The following MAN2B2 variants were observed in gnomAD, a reference collection of about 807,000 sequenced individuals.
MAN2B2 encodes the protein epididymis-specific alpha-mannosidase.
MAN2B2 carries 106 observed loss-of-function variants against 117.1 expected under a neutral mutation model. The observed-to-expected ratio is 0.90, with a 90% CI of 0.77 to 1.06. The LOEUF is 1.06. MAN2B2 is among the 50% of genes least tolerant of loss of function. MAN2B2 has a pLI of 0.00. For missense variants in MAN2B2, 1,326 were observed against 1,381.4 expected, an observed-to-expected ratio of 0.96 and a Z score of 0.64; for synonymous variants, 544 against 595.1, an observed-to-expected ratio of 0.91 and a Z score of 1.25.
chr4:6,600,366 T>C (rs1424144233), intron 9 of MAN2B2, among the ~76,000 whole-genome samples: 1 of 152,160 alleles, frequency 6.6e-6, no homozygotes, highest in African/African-American at 2.4e-5. Context: ...AGAACCTCAG[T>C]TCTCCAGGGC....
chr4:6,621,461 A>C lies in MAN2B2; in HGVS notation c.*176A>C. ...GTTTTTCCCTAATTTTTTTAAACAA[A>C]AATTACATTACAAGATCCAGGTTCT... On this transcript the variant is annotated 3_prime_UTR_variant, in exon 19 of 19. Coordinates refer to ENST00000285599, the MANE Select transcript of MAN2B2 (RefSeq NM_015274.3). 1 of 570,448 alleles carries C rather than the reference A, an allele frequency of 1.8e-6. No individual in the cohort carries two copies. The highest frequency in any genetic ancestry group is 2.9e-5 in the East Asian group (1 of 33,902). 35.3% of individuals were successfully genotyped at this position (570,448 alleles called of 1,614,324 possible).
Position 6,575,346 on chromosome 4 carries a change from C to T in MAN2B2, c.136C>T (p.Gln46Ter), listed in dbSNP as rs1221351658. The stretch of plus-strand genomic sequence containing the variant: ...GGACGTGGGCTGGGTCTACACTGTG[C>T]AGGTAGGTGCCGACCACGCCCCGCG... ...HMDVGWVYTV[Q>*]ESMRAYAANV... is the part of the protein sequence containing the mutation. The change falls in exon 1 of 19, where the codon CAG becomes TAG. Residue 46 changes from glutamine to a stop codon, truncating the protein, a stop_gained and splice_region_variant. Coordinates refer to ENST00000285599, the MANE Select transcript of MAN2B2 (RefSeq NM_015274.3). LOFTEE classifies it high-confidence loss of function. The T allele has an allele frequency of 2.6e-6, 4 of 1,553,740 alleles. No individual in the cohort carries two copies. Among genetic ancestry groups the T allele is most frequent in the Admixed American group, 1.8e-5 (1 of 54,608 alleles).
intron 13 of MAN2B2, 86 bp downstream of exon 13, chr4:6,610,136 G>C: frequency 6.5e-7 from 1 of 1,531,740 alleles, no homozygotes; most frequent in Non-Finnish European, 8.9e-7. Context: ...GTAGAGGCCA[G>C]TAGAGGCCTC....
At chr4:6,613,455 G>C (rs1711679473) in intron 15 of MAN2B2, among the ~76,000 whole-genome samples, 1 of 152,066 alleles carries the variant, frequency 6.6e-6, no homozygotes, top group East Asian at 1.9e-4. Context: ...GTGGCCCATA[G>C]TCCCAGCTAC....
chr4:6,597,162 G>C lies in MAN2B2; in HGVS notation c.1107G>C (p.Lys369Asn), dbSNP rs778357665. 1 of 1,613,184 alleles carries C rather than the reference G, an allele frequency of 6.2e-7. No homozygotes were observed. The highest frequency in any genetic ancestry group is 1.1e-5 in the South Asian group (1 of 91,046). Residue 369 changes from lysine to asparagine, a missense_variant, in exon 8 of 19, where the codon AAG (lysine) becomes AAC (asparagine). Physicochemically the swap from Lys to Asn is moderately conservative, Grantham distance 94. Coordinates refer to ENST00000285599, the MANE Select transcript of MAN2B2 (RefSeq NM_015274.3). ...TGFYTSRSSL[K>N]GLARRASALL... Reference sequence around the variant, plus strand: ...TCTACACGTCCCGCAGCTCACTGAAGGGGCTGGCCCGGCGAGCCAGCGCCT... The same window carrying C: ...TCTACACGTCCCGCAGCTCACTGAACGGGCTGGCCCGGCGAGCCAGCGCCT...
At chr4:6,611,026 C>A (rs774556472) in intron 14 of MAN2B2, 36 bp downstream of exon 14, 4 of 1,612,994 alleles carry the variant, frequency 2.5e-6, no homozygotes, top group African/African-American at 1.3e-5. Flanking sequence ...CAGCCCCTCG[C>A]GGCCCCCTAC....
rs140607612 is a variant in MAN2B2, at chr4:6,589,128, C to T, written c.648C>T (p.Tyr216=). 2.5e-6 allele frequency: 4 copies of T among 1,614,080 alleles called. No individual in the cohort carries two copies. In the African/African-American group the frequency reaches 5.3e-5, roughly 22 times the overall value. The change falls in exon 5 of 19, where the codon TAC becomes TAT. Residue 216 remains tyrosine (Y), a synonymous_variant. Coordinates refer to ENST00000285599, the MANE Select transcript of MAN2B2 (RefSeq NM_015274.3). The stretch of plus-strand genomic sequence containing the variant: ...CGCACATCATGGACCAGTACAGCTA[C>T]TGCACCCCGTCCCACATCCCTTTCT... ...IFTHIMDQYS[Y]CTPSHIPFSN...
intron 11 of MAN2B2, among the ~76,000 whole-genome samples, chr4:6,606,034 G>C (rs942243598): frequency 6.6e-6 from 1 of 152,216 alleles, no homozygotes; most frequent in Non-Finnish European, 1.5e-5. Flanking sequence ...GCCACGTCCG[G>C]TGGAGTCTTC....
chr4:6,614,488 G>A (rs1711761726), intron 16 of MAN2B2, 133 bp downstream of exon 16: 14 of 1,111,186 alleles, frequency 1.3e-5, no homozygotes, highest in Admixed American at 5.3e-5. Flanking sequence ...TTCTTATCTG[G>A]CACATGGGGA....
chr4:6,608,112 T>C (rs187989685), intron 11 of MAN2B2, among the ~76,000 whole-genome samples: 1 of 152,374 alleles, frequency 6.6e-6, no homozygotes, highest in East Asian at 1.9e-4. Context: ...GAGTTCTTTA[T>C]ATATTCTAGC....
intron 16 of MAN2B2, among the ~76,000 whole-genome samples, chr4:6,615,039 G>C (rs1711797665): frequency 6.6e-6 from 1 of 152,198 alleles, no homozygotes; most frequent in South Asian, 2.1e-4. Flanking sequence ...GGAAAGGCAG[G>C]GTCAGACTGT....
chr4:6,597,786 A>G (rs1727161657), intron 8 of MAN2B2, among the ~76,000 whole-genome samples: 1 of 152,144 alleles, frequency 6.6e-6, no homozygotes, highest in Non-Finnish European at 1.5e-5. Flanking sequence ...GTCTCCACCC[A>G]TCCCCTACTG....
At chr4:6,611,831 G>C (rs536204375) in intron 15 of MAN2B2, among the ~76,000 whole-genome samples, 5 of 152,172 alleles carry the variant, frequency 3.3e-5, no homozygotes, top group Non-Finnish European at 7.3e-5. Context: ...TCTGAATCTA[G>C]GTGTGCTGTC....
At chr4:6,597,048 G>A in intron 7 of MAN2B2, 65 bp from the exon 8 acceptor site, 3 of 1,488,102 alleles carry the variant, frequency 2.0e-6, no homozygotes, top group East Asian at 2.4e-5. Flanking sequence ...GCTCTTCCAG[G>A]GCTGGAGCTT....
Position 6,605,711 on chromosome 4 carries a change from C to T in MAN2B2, c.1814+382C>T, listed in dbSNP as rs1727518216. 1.3e-5 allele frequency among the ~76,000 whole-genome samples: 2 copies of T among 152,044 alleles called. 1 individual carries two copies. The highest frequency in any genetic ancestry group is 4.1e-4 in the South Asian group (2 of 4,820). On this transcript the variant is annotated intron_variant, in intron 11 of 18. Transcript: ENST00000285599. ...CTAATCCCACCCACCCACCTGTCTA[C>T]TTACCCATCTATTCACCCACCCACT...
intron 11 of MAN2B2, 92 bp downstream of exon 11, chr4:6,605,421 G>A (rs962330690): frequency 6.9e-7 from 1 of 1,440,212 alleles, no homozygotes; most frequent in African/African-American, 1.4e-5. Context: ...TTGCTCACTT[G>A]CCTGGGGGAA....
chr4:6,579,319 T>TCACCACCACCACCACCAC (rs748293245), intron 3 of MAN2B2, among the ~76,000 whole-genome samples: 3 of 17,388 alleles, frequency 1.7e-4, no homozygotes, highest in Admixed American at 6.5e-4. Context: ...ACCACCACCA[T>TCACCACCACCACCACCAC]CACCACCACC....
At chr4:6,614,470 C>T (rs538317440) in intron 16 of MAN2B2, 115 bp downstream of exon 16, 2 of 1,262,226 alleles carry the variant, frequency 1.6e-6, no homozygotes, top group South Asian at 2.9e-5. Context: ...TCTGCAAGGT[C>T]ACCTGGTTTC....
In MAN2B2 at chr4:6,611,148, G is replaced by A. The variant is rs747540814; in HGVS notation, c.2433G>A (p.Leu811=). ...GGGACCTGGGCTACAACCTCACGCT[G>A]AACGACACCTCAGTCGTCCACCCAG... The part of the protein sequence containing the change: ...FDWDLGYNLT[L]NDTSVVHPVL... The change falls in exon 15 of 19, where the codon CTG becomes CTA. Residue 811 remains leucine, a synonymous_variant. Coordinates refer to ENST00000285599, the MANE Select transcript of MAN2B2 (RefSeq NM_015274.3). The A allele has an allele frequency of 3.7e-6, 6 of 1,613,982 alleles. No homozygotes were observed. In the Admixed American group the frequency reaches 1.0e-4, roughly 27 times the overall value.
Sources: gnomAD v4.1 joint callset for allele counts (sites outside exome capture counted in the v4.1 genomes callset) on GRCh38, gnomAD v4.1.1 for gene constraint, MANE v1.5 for transcripts, NCBI Gene and HGNC (gene_info 2026-07-23, HGNC 2026-07-21) for gene names.